Variants in ARB2A observed in about 807,000 individuals in gnomAD.
The protein encoded by ARB2A is cotranscriptional regulator ARB2A.
At chr5:93,933,715 T>C in the ARB2A span, among the ~76,000 whole-genome samples, 5 of 152,064 alleles carry the variant, frequency 3.3e-5, no homozygotes, top group Admixed American at 2.0e-4. Context: ...GACAGGTTGA[T>C]GGGTGCAGCA....
chr5:94,061,808 A>G, the ARB2A span, among the ~76,000 whole-genome samples: 1 of 152,240 alleles, frequency 6.6e-6, no homozygotes, highest in Non-Finnish European at 1.5e-5. Flanking sequence ...ATTTAAATAG[A>G]CATATCAGGT....
chr5:93,814,805 G>A, the ARB2A span, among the ~76,000 whole-genome samples: 5 of 152,270 alleles, frequency 3.3e-5, no homozygotes, highest in South Asian at 2.1e-4. Flanking sequence ...CCTTGAGGGC[G>A]TAATATTCAG....
the ARB2A span, among the ~76,000 whole-genome samples, chr5:93,883,062 T>C: frequency 6.6e-6 from 1 of 151,578 alleles, no homozygotes; most frequent in African/African-American, 2.4e-5. Flanking sequence ...CTGCACATGG[T>C]TGGTTTTTTT....
chr5:93,994,090 T>C, the ARB2A span, among the ~76,000 whole-genome samples: 1 of 152,038 alleles, frequency 6.6e-6, no homozygotes, highest in Non-Finnish European at 1.5e-5. Flanking sequence ...GTGGCCAATA[T>C]GAAAAACAGT....
the ARB2A span, among the ~76,000 whole-genome samples, chr5:93,624,623 T>C: frequency 3.9e-5 from 6 of 152,294 alleles, no homozygotes; most frequent in East Asian, 1.2e-3. Context: ...TCAGTTTCAA[T>C]CAGTGGTTCT....
chr5:93,628,208 G>A, the ARB2A span, among the ~76,000 whole-genome samples: 3 of 151,762 alleles, frequency 2.0e-5, no homozygotes, highest in Non-Finnish European at 2.9e-5. Flanking sequence ...GTGCCACCAC[G>A]CCCGGCTAAT....
the ARB2A span, among the ~76,000 whole-genome samples, chr5:93,689,912 C>T: frequency 2.0e-5 from 3 of 152,002 alleles, no homozygotes; most frequent in East Asian, 3.9e-4. Context: ...GAGGGTGAGC[C>T]GAAGTCAGGT....
the ARB2A span, among the ~76,000 whole-genome samples, chr5:93,688,375 A>G: frequency 6.6e-6 from 1 of 152,180 alleles, no homozygotes; most frequent in Admixed American, 6.6e-5. Flanking sequence ...CTCTCAATCA[A>G]ATCCTGCCTT....
chr5:93,830,256 C>A, the ARB2A span, among the ~76,000 whole-genome samples: 1 of 142,716 alleles, frequency 7.0e-6, no homozygotes, highest in East Asian at 2.0e-4. Flanking sequence ...CATATATGGA[C>A]AGGATTACAT....
the ARB2A span, among the ~76,000 whole-genome samples, chr5:93,931,148 C>T: frequency 6.6e-6 from 1 of 152,236 alleles, no homozygotes; most frequent in Middle Eastern, 3.4e-3. Context: ...ATCCATGTCC[C>T]TGCAAAGGAC....
At chr5:93,725,700 G>A in the ARB2A span, among the ~76,000 whole-genome samples, 1 of 152,008 alleles carries the variant, frequency 6.6e-6, no homozygotes, top group Non-Finnish European at 1.5e-5. Context: ...CCAAATGAAA[G>A]TATGATCAAG....
the ARB2A span, among the ~76,000 whole-genome samples, chr5:93,909,481 G>A: frequency 3.3e-5 from 5 of 150,726 alleles, no homozygotes; most frequent in Non-Finnish European, 7.4e-5. Flanking sequence ...TATCTACAGA[G>A]CATTAAACTC....
chr5:93,873,375 GA>G, the ARB2A span, among the ~76,000 whole-genome samples: 6 of 14,374 alleles, frequency 4.2e-4, no homozygotes, highest in African/African-American at 1.3e-3. Flanking sequence ...GAAAGGAAAG[GA>G]AAGGAAAGGA....
chr5:93,826,344 A>G, the ARB2A span, among the ~76,000 whole-genome samples: 1 of 152,162 alleles, frequency 6.6e-6, no homozygotes. Flanking sequence ...ATTTTATAAT[A>G]AATTATTAAG....
chr5:94,082,195 C>T, the ARB2A span, among the ~76,000 whole-genome samples: 2 of 152,156 alleles, frequency 1.3e-5, no homozygotes, highest in African/African-American at 4.8e-5. Context: ...TAGTATCCCT[C>T]GCATACAAAT....
At chr5:93,718,625 C>T in the ARB2A span, among the ~76,000 whole-genome samples, 1 of 152,086 alleles carries the variant, frequency 6.6e-6, no homozygotes, top group Non-Finnish European at 1.5e-5. Flanking sequence ...TTGTAAGGCC[C>T]TAATATATAA....
At chr5:93,629,708 A>G in the ARB2A span, among the ~76,000 whole-genome samples, 1 of 152,174 alleles carries the variant, frequency 6.6e-6, no homozygotes, top group African/African-American at 2.4e-5. Context: ...TTTAAAGAAA[A>G]AGGTAATGAA....
the ARB2A span, among the ~76,000 whole-genome samples, chr5:94,084,420 A>T: frequency 6.6e-6 from 1 of 152,186 alleles, no homozygotes. Flanking sequence ...AATACAAAAA[A>T]TATACTGTAT....
chr5:93,931,056 A>C, the ARB2A span, among the ~76,000 whole-genome samples: 1 of 151,696 alleles, frequency 6.6e-6, no homozygotes, highest in Admixed American at 6.6e-5. Flanking sequence ...TCACTGTTCA[A>C]CTCCCACTTA....
Sources: gnomAD v4.1 joint callset for allele counts (sites outside exome capture counted in the v4.1 genomes callset) on GRCh38, gnomAD v4.1.1 for gene constraint, MANE v1.5 for transcripts, NCBI Gene and HGNC (gene_info 2026-07-23, HGNC 2026-07-21) for gene names.